Variants in TFPI observed in about 807,000 individuals in gnomAD.
The protein encoded by TFPI is tissue factor pathway inhibitor, also known as anti-convertin.
A neutral mutation model predicts 34.6 loss-of-function variants in TFPI; 15 were observed. The observed-to-expected ratio is 0.43, with a 90% CI of 0.29 to 0.67. The LOEUF (loss-of-function observed/expected upper bound fraction) is 0.67. TFPI is among the 30% of genes least tolerant of loss of function. TFPI has a pLI of 0.15. For missense variants in TFPI, 301 were observed against 364.0 expected (o/e 0.83, Z 1.41); for synonymous variants, 105 against 120.1 (o/e 0.87, Z 0.82).
intron 2 of TFPI, among the ~76,000 whole-genome samples, chr2:187,501,967 A>G (rs1463058477): frequency 2.0e-5 from 3 of 152,168 alleles, no homozygotes. Context: ...CCTTATTTCA[A>G]TTAAATAATA....
At chr2:187,485,283 A>G (rs1290824373) in intron 4 of TFPI, among the ~76,000 whole-genome samples, 1 of 151,764 alleles carries the variant, frequency 6.6e-6, no homozygotes, top group Non-Finnish European at 1.5e-5. Flanking sequence ...CTTTGAAATT[A>G]CAAAACATTA....
At position 187,488,950 on chromosome 2, in the gene TFPI, GTTAGTTGTC is replaced by G. The variant is rs1401299568; in HGVS notation, c.320-584_320-576del. Among the ~76,000 whole-genome samples the G allele has an allele frequency of 2.0e-5, 3 of 151,510 alleles. No individual in the cohort carries two copies. The East Asian group carries it at 5.8e-4, about 29-fold the overall frequency. ...AATCATTTCCCTCTAAAACTGGAAT[GTTAGTTGTC>G]TTTGTCCTACCATATTCCAAGTATG... On this transcript the variant is annotated intron_variant, in intron 3 of 7. Coordinates refer to ENST00000233156, the MANE Select transcript of TFPI (RefSeq NM_006287.6).
At chr2:187,469,761 C>G (rs567826096) in intron 6 of TFPI, among the ~76,000 whole-genome samples, 1 of 152,080 alleles carries the variant, frequency 6.6e-6, no homozygotes, top group Non-Finnish European at 1.5e-5. Context: ...CATCATAAAT[C>G]AAAGTTGAAT....
rs1685524767 is a variant in TFPI at position 187,496,982 on chromosome 2, T to C, written c.218A>G (p.Asn73Ser). ...CKAIMKRFFF[N>S]IFTRQCEEFI... ...TTCTTCGCACTGTCGAGTGAAAATA[T>C]TGAAGAAAAATCTTTTCATGATTGC... The change falls in exon 3 of 8, where the codon AAT becomes AGT. Residue 73 changes from asparagine (N) to serine (S), a missense_variant. Transcript: ENST00000233156. The C allele has an allele frequency of 6.2e-7, 1 of 1,613,452 alleles. No homozygotes were observed. The highest frequency in any genetic ancestry group is 8.5e-7 in the Non-Finnish European group (1 of 1,179,572).
chr2:187,485,026 G>C (rs988051069), intron 4 of TFPI, 39 bp from the exon 5 acceptor site: 9 of 1,380,738 alleles, frequency 6.5e-6, no homozygotes, highest in Non-Finnish European at 8.5e-6. Context: ...ATATTCTTTT[G>C]TGTAAATAAA....
At chr2:187,536,168 G>T (rs896572656) in intron 1 of TFPI, among the ~76,000 whole-genome samples, 1 of 152,310 alleles carries the variant, frequency 6.6e-6, no homozygotes, top group South Asian at 2.1e-4. Flanking sequence ...AGAGTAGCTG[G>T]TACTATTCCT....
At chr2:187,533,345 G>A (rs1217460496) in intron 1 of TFPI, among the ~76,000 whole-genome samples, 1 of 152,150 alleles carries the variant, frequency 6.6e-6, no homozygotes, top group Non-Finnish European at 1.5e-5. Flanking sequence ...GTTCCCCTCT[G>A]GGATGAGGCT....
At chr2:187,469,105 A>AT (rs3836092) in intron 6 of TFPI, among the ~76,000 whole-genome samples, 1 of 152,072 alleles carries the variant, frequency 6.6e-6, no homozygotes, top group East Asian at 1.9e-4. Context: ...AAAATCTCAA[A>AT]TTGATATAAA....
chr2:187,473,139 A>G (rs1199864818), intron 6 of TFPI, among the ~76,000 whole-genome samples: 8 of 152,206 alleles, frequency 5.3e-5, no homozygotes, highest in Admixed American at 6.5e-5. Flanking sequence ...ATAATAATTT[A>G]TATTTTGTAC....
At chr2:187,476,836 AAAG>A (rs1692407970) in intron 6 of TFPI, among the ~76,000 whole-genome samples, 1 of 152,124 alleles carries the variant, frequency 6.6e-6, no homozygotes, top group Non-Finnish European at 1.5e-5. Flanking sequence ...TTTTTAAGCA[AAAG>A]AAGTCTTATC....
intron 2 of TFPI, among the ~76,000 whole-genome samples, chr2:187,499,077 A>T (rs1162616330): frequency 6.6e-6 from 1 of 151,980 alleles, no homozygotes; most frequent in Non-Finnish European, 1.5e-5. Flanking sequence ...TATCAAAGTG[A>T]GTTAAGAAAT....
chr2:187,498,028 G>A (rs1270999148), intron 2 of TFPI, among the ~76,000 whole-genome samples: 1 of 151,622 alleles, frequency 6.6e-6, no homozygotes, highest in African/African-American at 2.4e-5. Flanking sequence ...GGGGAATATT[G>A]AAACCTATAA....
chr2:187,554,111 C>T lies in TFPI; in HGVS notation c.-3+89G>A, dbSNP rs886846911. ...AAACAGTGATCCTCCCCTATCAGTTCTTTGCCTCTCAGCACCCTGCTTTTC... is the reference window on the plus strand; with the variant it reads ...AAACAGTGATCCTCCCCTATCAGTTTTTTGCCTCTCAGCACCCTGCTTTTC... On this transcript the variant is annotated intron_variant, in intron 1 of 7. Coordinates refer to ENST00000233156, the MANE Select transcript of TFPI (RefSeq NM_006287.6). The T allele has an allele frequency of 6.2e-4, 95 of 152,152 alleles. 1 individual carries two copies. The highest frequency in any genetic ancestry group is 2.2e-3 in the African/African-American group (93 of 41,526). The allele number at this position is 152,152 out of a possible 1,614,324, so 9.4% of individuals were successfully genotyped here. A position where few individuals can be genotyped will look rare whatever the true frequency, so the allele number is the denominator to read the frequency against.
chr2:187,509,008 G>A (rs1234713087), intron 1 of TFPI, among the ~76,000 whole-genome samples: 1 of 152,080 alleles, frequency 6.6e-6, no homozygotes, highest in African/African-American at 2.4e-5. Context: ...AGCATGAAGA[G>A]GTGTTGAATT....
At chr2:187,522,851 G>A (rs954167450) in intron 1 of TFPI, among the ~76,000 whole-genome samples, 14 of 151,030 alleles carry the variant, frequency 9.3e-5, no homozygotes, top group African/African-American at 3.2e-4. Context: ...AGATCGTGCC[G>A]CTGCACTCCA....
chr2:187,502,547 A>G (rs1419186610), intron 2 of TFPI, among the ~76,000 whole-genome samples: 1 of 152,204 alleles, frequency 6.6e-6, no homozygotes, highest in Non-Finnish European at 1.5e-5. Context: ...AAAAAGGTAC[A>G]TTAGGGTTTT....
intron 1 of TFPI, among the ~76,000 whole-genome samples, chr2:187,533,935 G>C (rs1559151432): frequency 6.6e-6 from 1 of 152,154 alleles, no homozygotes; most frequent in Non-Finnish European, 1.5e-5. Context: ...AGTATCAATA[G>C]CTGAATCAAT....
intron 1 of TFPI, among the ~76,000 whole-genome samples, chr2:187,537,785 T>A (rs1025583542): frequency 2.0e-5 from 3 of 152,022 alleles, no homozygotes; most frequent in Non-Finnish European, 2.9e-5. Context: ...AGAAACTATC[T>A]TCAGAGTGAA....
At chr2:187,474,731 G>A (rs190807331) in intron 6 of TFPI, among the ~76,000 whole-genome samples, 14 of 152,278 alleles carry the variant, frequency 9.2e-5, no homozygotes, top group Middle Eastern at 6.8e-3. Flanking sequence ...ACATTCAGAA[G>A]ATGTAATACT....
Sources: allele counts gnomAD v4.1 joint callset (sites outside exome capture counted in the v4.1 genomes callset), GRCh38; gene constraint gnomAD v4.1.1; transcripts MANE v1.5; gene names NCBI Gene and HGNC (gene_info 2026-07-23, HGNC 2026-07-21).